PHF14: variants seen among roughly 807,000 people sequenced by gnomAD.
The protein encoded by PHF14 is PHD finger protein 14.
PHF14 carries 55 observed loss-of-function variants against 117.9 expected under a neutral mutation model. That is an observed-to-expected ratio of 0.47 (90% CI 0.38 to 0.58). The LOEUF (loss-of-function observed/expected upper bound fraction) is 0.58. PHF14 is among the 20% of genes least tolerant of loss of function. The pLI, the probability that PHF14 is intolerant of heterozygous loss-of-function variation, is 0.00. For missense variants in PHF14, 978 were observed against 1,122.2 expected (o/e 0.87, Z 1.84); for synonymous variants, 409 against 368.6 (o/e 1.11, Z -1.26).
At position 11,035,717 on chromosome 7, in the gene PHF14, C is replaced by T; in HGVS notation, c.1533C>T (p.Tyr511=). The change falls in exon 8 of 18, where the codon TAC becomes TAT. Residue 511 remains tyrosine, a synonymous_variant. Transcript: ENST00000634607. ...RLDRKWKRKN[Y]LALQSYCKMS... is the part of the protein sequence containing the mutation. The stretch of plus-strand genomic sequence containing the variant: ...ACAGAAAGTGGAAGAGAAAAAACTA[C>T]TTGGCTCTACAGTCCTATTGTAAAA... The T allele has an allele frequency of 1.2e-6, 2 of 1,610,718 alleles. No individual in the cohort carries two copies. Among genetic ancestry groups the T allele is most frequent in the Non-Finnish European group, 1.7e-6 (2 of 1,177,292 alleles).
intron 14 of PHF14, among the ~76,000 whole-genome samples, chr7:11,056,263 T>C (rs1158695873): frequency 6.6e-6 from 1 of 152,182 alleles, no homozygotes; most frequent in South Asian, 2.1e-4. Flanking sequence ...CCCAGGAGTA[T>C]GAAATAAAGA....
intron 16 of PHF14, among the ~76,000 whole-genome samples, chr7:11,083,982 T>C (rs1000523910): frequency 5.3e-5 from 8 of 152,174 alleles, no homozygotes; most frequent in African/African-American, 1.9e-4. Flanking sequence ...TATGGAGAAC[T>C]TTATCTGAAA....
intron 4 of PHF14, among the ~76,000 whole-genome samples, chr7:11,010,433 T>TA (rs1164321537): frequency 1.3e-5 from 2 of 152,054 alleles, no homozygotes; most frequent in Admixed American, 6.6e-5. Flanking sequence ...TGTTATAGTC[T>TA]AACTCCTTTT....
intron 6 of PHF14, among the ~76,000 whole-genome samples, chr7:11,025,794 CAAAAA>C (rs200869700): frequency 6.8e-6 from 1 of 146,774 alleles, no homozygotes; most frequent in Non-Finnish European, 1.5e-5. Context: ...GACTCCGTCT[CAAAAA>C]AAAAGAAAAA....
intron 17 of PHF14, among the ~76,000 whole-genome samples, chr7:11,156,589 T>C (rs930695421): frequency 5.9e-5 from 9 of 151,878 alleles, no homozygotes; most frequent in African/African-American, 1.9e-4. Flanking sequence ...AGGTCGGGAG[T>C]TCGAGACCAG....
At chr7:11,042,075 C>G (rs926373326) in intron 12 of PHF14, among the ~76,000 whole-genome samples, 2 of 151,850 alleles carry the variant, frequency 1.3e-5, no homozygotes, top group Non-Finnish European at 2.9e-5. Context: ...TCACAAAATT[C>G]CACAATCTTT....
At chr7:10,977,577 G>T (rs1781910602) in intron 2 of PHF14, among the ~76,000 whole-genome samples, 1 of 152,104 alleles carries the variant, frequency 6.6e-6, no homozygotes, top group South Asian at 2.1e-4. Flanking sequence ...GTGATTACGA[G>T]CCTGTACCTT....
In PHF14 at chr7:11,038,785, A is replaced by G. The variant is rs1397401507; in HGVS notation, c.2006A>G (p.Gln669Arg). The G allele has an allele frequency of 8.8e-6, 14 of 1,590,540 alleles. No homozygotes were observed. In the South Asian group the frequency reaches 1.0e-4, roughly 12 times the overall value. The change falls in exon 11 of 18, where the codon CAA (glutamine) becomes CGA (arginine). Residue 669 changes from glutamine to arginine, a missense_variant. By Grantham distance (43) the Gln-to-Arg change is conservative. Transcript: ENST00000634607. ...NKLCESLEELQNLNGKLRSEG... is the reference protein window; with the variant it reads ...NKLCESLEELRNLNGKLRSEG... ...CTATGTGAATCTTTAGAAGAACTAC[A>G]AAACCTGAATGGAAAACTTCGAAGT...
At chr7:11,061,881 G>T in intron 15 of PHF14, 40 bp downstream of exon 15, 1 of 1,513,944 alleles carries the variant, frequency 6.6e-7, no homozygotes, top group South Asian at 1.3e-5. Flanking sequence ...TCTTAACTTT[G>T]AGAAATTTTC....
intron 16 of PHF14, among the ~76,000 whole-genome samples, chr7:11,082,225 A>T (rs1336619403): frequency 6.6e-6 from 1 of 152,146 alleles, no homozygotes; most frequent in Non-Finnish European, 1.5e-5. Context: ...ACGTGCCTAT[A>T]GTCCCAGCTA....
rs1782222539 is a variant in PHF14, at chr7:10,986,187, T to C, written c.900+3028T>C. Among the ~76,000 whole-genome samples the C allele has an allele frequency of 2.0e-5, 3 of 151,518 alleles. No homozygotes were observed. In the South Asian group the frequency reaches 6.2e-4, roughly 32 times the overall value. ...TTTGTAGAGATGGTATATCACTATG[T>C]TGCCCAGGTTGGTGTCAAATTCTTG... On this transcript the variant is annotated intron_variant, in intron 3 of 17. Transcript: ENST00000634607.
Position 11,162,218 on chromosome 7 carries a change from A to T in PHF14, c.2773-7198A>T, listed in dbSNP as rs574576300. 3.7e-4 allele frequency among the ~76,000 whole-genome samples: 56 copies of T among 150,118 alleles called. 1 individual carries two copies. The highest frequency in any genetic ancestry group is 1.3e-3 in the African/African-American group (54 of 41,054). Reference sequence around the variant, plus strand: ...ATTCTTGTGCCTCAGCCTCCCAAGTAGCTGGGACTACAGGCACACGCCACC... The same window carrying T: ...ATTCTTGTGCCTCAGCCTCCCAAGTTGCTGGGACTACAGGCACACGCCACC... On this transcript the variant is annotated intron_variant, in intron 17 of 17. Transcript: ENST00000634607.
intron 4 of PHF14, among the ~76,000 whole-genome samples, chr7:11,013,427 G>C (rs1370543080): frequency 6.6e-6 from 1 of 152,092 alleles, no homozygotes; most frequent in Non-Finnish European, 1.5e-5. Context: ...CTCCCAAAGT[G>C]CTGGGAATAC....
At chr7:11,064,342 C>G (rs13241563) in intron 16 of PHF14, among the ~76,000 whole-genome samples, 12 of 151,850 alleles carry the variant, frequency 7.9e-5, no homozygotes, top group Non-Finnish European at 1.5e-4. Context: ...TACATTGCAT[C>G]TTAAATACTA....
chr7:11,140,101 T>A (rs1169193305), intron 17 of PHF14, among the ~76,000 whole-genome samples: 1 of 152,124 alleles, frequency 6.6e-6, no homozygotes, highest in African/African-American at 2.4e-5. Context: ...TACACATTTC[T>A]ATACATGACT....
intron 16 of PHF14, among the ~76,000 whole-genome samples, chr7:11,082,580 T>C (rs1786190742): frequency 1.3e-5 from 2 of 152,360 alleles, no homozygotes; most frequent in East Asian, 1.9e-4. Flanking sequence ...AGTGCCTTTC[T>C]GATTTAATGA....
intron 16 of PHF14, among the ~76,000 whole-genome samples, chr7:11,084,881 GCCTTTCCATAT>G (rs1349965633): frequency 1.3e-5 from 2 of 151,890 alleles, no homozygotes; most frequent in Non-Finnish European, 2.9e-5. Context: ...TCTGTGAATT[GCCTTTCCATAT>G]CCTTTGCCGC....
At chr7:11,150,934 G>A (rs1382127253) in intron 17 of PHF14, among the ~76,000 whole-genome samples, 2 of 152,082 alleles carry the variant, frequency 1.3e-5, no homozygotes, top group African/African-American at 4.8e-5. Flanking sequence ...AGTTTGAAAT[G>A]TACAAACATT....
At position 11,077,889 on chromosome 7, in the gene PHF14, G is replaced by A. The variant is rs181348721; in HGVS notation, c.2654+15804G>A. On this transcript the variant is annotated intron_variant, in intron 16 of 17. Transcript: ENST00000634607. ...ATCTTCATAAAATAAATGTCAGTTTGTTCCTCAGTTGAGAAGTTTTGCACC... is the reference window on the plus strand; with the variant it reads ...ATCTTCATAAAATAAATGTCAGTTTATTCCTCAGTTGAGAAGTTTTGCACC... Among the ~76,000 whole-genome samples, 96 of 152,254 alleles carry A rather than the reference G, an allele frequency of 6.3e-4. 1 individual carries two copies. The highest frequency in any genetic ancestry group is 6.8e-3 in the Middle Eastern group (2 of 292).
Sources: allele counts gnomAD v4.1 joint callset (sites outside exome capture counted in the v4.1 genomes callset), GRCh38; gene constraint gnomAD v4.1.1; transcripts MANE v1.5; gene names NCBI Gene and HGNC (gene_info 2026-07-23, HGNC 2026-07-21).